MGAT4C: variants seen among roughly 807,000 people sequenced by gnomAD.
The protein encoded by MGAT4C is alpha-1,3-mannosyl-glycoprotein 4-beta-N-acetylglucosaminyltransferase C.
A neutral mutation model predicts 40.1 loss-of-function variants in MGAT4C; 19 were observed. That is an observed-to-expected ratio of 0.47 (90% confidence interval 0.33 to 0.70). The LOEUF (loss-of-function observed/expected upper bound fraction) is 0.70. MGAT4C is among the 30% of genes least tolerant of loss of function. The probability of loss-of-function intolerance (pLI) is 0.02; values close to 1 mark genes in which losing one functional copy is unlikely to be tolerated. For missense variants in MGAT4C, 491 were observed against 563.2 expected (o/e 0.87, Z 1.30); for synonymous variants, 181 against 187.1 (o/e 0.97, Z 0.27).
chr12:86,294,707 T>C (rs946571019), intron 4 of MGAT4C, among the ~76,000 whole-genome samples: 1 of 152,200 alleles, frequency 6.6e-6, no homozygotes, highest in African/African-American at 2.4e-5. Flanking sequence ...TACTTTTAGT[T>C]TCCCAGTTGT....
chr12:86,312,672 T>A (rs1954108832), intron 4 of MGAT4C, among the ~76,000 whole-genome samples: 1 of 151,976 alleles, frequency 6.6e-6, no homozygotes, highest in African/African-American at 2.4e-5. Context: ...TATATATATA[T>A]AATGTAAATA....
Position 85,957,507 on chromosome 12 carries a change from A to G in MGAT4C, c.*21782T>C, listed in dbSNP as rs1193998018. 6.6e-6 allele frequency: 1 copy of G among 152,164 alleles called. No individual in the cohort carries two copies. The highest frequency in any genetic ancestry group is 2.4e-5 in the African/African-American group (1 of 41,450). 9.4% of individuals were successfully genotyped at this position (152,164 alleles called of 1,614,324 possible). A position where few individuals can be genotyped will look rare whatever the true frequency, so the allele number is the denominator to read the frequency against. ...TGAGCAACAGACTTTGAGAGTTATT[A>G]TTAAGCATGCTACATATATCTGTTA... On this transcript the variant is annotated 3_prime_UTR_variant, in exon 5 of 5. Coordinates refer to ENST00000611864, the MANE Select transcript of MGAT4C (RefSeq NM_001351288.2).
chr12:86,552,540 C>T (rs942581267), intron 2 of MGAT4C, among the ~76,000 whole-genome samples: 3 of 151,818 alleles, frequency 2.0e-5, no homozygotes, highest in African/African-American at 7.3e-5. Context: ...TTTCTGAACA[C>T]AAAGAAATAA....
At chr12:86,175,155 A>G (rs1371190486) in intron 1 of MGAT4C, among the ~76,000 whole-genome samples, 1 of 152,166 alleles carries the variant, frequency 6.6e-6, no homozygotes, top group African/African-American at 2.4e-5. Flanking sequence ...AAATCAAAGA[A>G]TGTATAGAAA....
At chr12:86,578,393 G>A (rs930169542) in intron 2 of MGAT4C, among the ~76,000 whole-genome samples, 1 of 151,824 alleles carries the variant, frequency 6.6e-6, no homozygotes, top group East Asian at 1.9e-4. Flanking sequence ...CTCATAGAAT[G>A]AATTTGGAAG....
chr12:86,693,363 C>T (rs1950203077), intron 2 of MGAT4C, among the ~76,000 whole-genome samples: 1 of 152,114 alleles, frequency 6.6e-6, no homozygotes, highest in Non-Finnish European at 1.5e-5. Context: ...TTTACAAAAA[C>T]TAGTGTTCCA....
intron 2 of MGAT4C, among the ~76,000 whole-genome samples, chr12:86,722,960 C>A (rs932939597): frequency 2.0e-5 from 3 of 152,082 alleles, no homozygotes; most frequent in Admixed American, 6.6e-5. Context: ...TGGTGTTAAA[C>A]CCAGGTGTCG....
intron 2 of MGAT4C, among the ~76,000 whole-genome samples, chr12:85,994,077 T>A (rs1208552112): frequency 6.6e-6 from 1 of 152,182 alleles, no homozygotes; most frequent in African/African-American, 2.4e-5. Flanking sequence ...CAGGCCAGCC[T>A]CCCTGCTGCA....
chr12:86,813,782 A>G (rs1952525324), intron 1 of MGAT4C, among the ~76,000 whole-genome samples: 1 of 152,114 alleles, frequency 6.6e-6, no homozygotes, highest in Non-Finnish European at 1.5e-5. Context: ...AGATTTTCCA[A>G]TTTTACAAAT....
chr12:86,056,895 G>T (rs147021739), intron 1 of MGAT4C, among the ~76,000 whole-genome samples: 1 of 152,094 alleles, frequency 6.6e-6, no homozygotes, highest in East Asian at 1.9e-4. Flanking sequence ...AGCATCTGTT[G>T]TTTCCTAACT....
intron 1 of MGAT4C, among the ~76,000 whole-genome samples, chr12:86,165,220 A>G (rs1886056974): frequency 6.6e-6 from 1 of 152,156 alleles, no homozygotes; most frequent in African/African-American, 2.4e-5. Context: ...TAAGACAACT[A>G]AATACATATA....
chr12:86,708,901 G>C (rs570646959), intron 2 of MGAT4C, among the ~76,000 whole-genome samples: 1 of 152,318 alleles, frequency 6.6e-6, no homozygotes, highest in East Asian at 1.9e-4. Context: ...CTCATAGGCA[G>C]AAGGGACTTG....
intron 3 of MGAT4C, among the ~76,000 whole-genome samples, chr12:86,391,195 T>C (rs570778146): frequency 9.2e-5 from 14 of 152,186 alleles, no homozygotes; most frequent in Non-Finnish European, 1.8e-4. Flanking sequence ...TTAAAGAGTG[T>C]GAAATAACTA....
At chr12:86,212,748 C>G (rs1415425203) in intron 1 of MGAT4C, among the ~76,000 whole-genome samples, 2 of 136,014 alleles carry the variant, frequency 1.5e-5, no homozygotes, top group Non-Finnish European at 3.2e-5. Context: ...AAAAATTAGC[C>G]GGGCGTAGTG....
chr12:86,439,748 A>G (rs1444179592), intron 2 of MGAT4C, among the ~76,000 whole-genome samples: 2 of 152,052 alleles, frequency 1.3e-5, no homozygotes, highest in East Asian at 1.9e-4. Flanking sequence ...TTAGCCAAGA[A>G]GAGAGAAGGT....
chr12:86,485,902 G>A (rs1413789891), intron 2 of MGAT4C, among the ~76,000 whole-genome samples: 1 of 152,124 alleles, frequency 6.6e-6, no homozygotes, highest in Non-Finnish European at 1.5e-5. Flanking sequence ...TTACAAGCCA[G>A]AAGACATCGG....
At chr12:86,066,730 A>C (rs77354740) in intron 1 of MGAT4C, among the ~76,000 whole-genome samples, 2,254 of 152,296 alleles carry the variant, frequency 0.015, 70 homozygotes, top group African/African-American at 0.051. Flanking sequence ...TAAACGAAAG[A>C]GTTTCTGCAC....
chr12:86,008,884 G>T (rs1452777626), intron 2 of MGAT4C, among the ~76,000 whole-genome samples: 1 of 151,754 alleles, frequency 6.6e-6, no homozygotes, highest in African/African-American at 2.4e-5. Context: ...CTCCTTTATT[G>T]TGCTATACGA....
At chr12:86,028,874 C>T (rs1890483002) in intron 2 of MGAT4C, among the ~76,000 whole-genome samples, 1 of 151,896 alleles carries the variant, frequency 6.6e-6, no homozygotes, top group African/African-American at 2.4e-5. Context: ...TATCTCATTA[C>T]ATATTCCAAT....
Sources: allele counts gnomAD v4.1 joint callset (sites outside exome capture counted in the v4.1 genomes callset), GRCh38; gene constraint gnomAD v4.1.1; transcripts MANE v1.5; gene names NCBI Gene and HGNC (gene_info 2026-07-23, HGNC 2026-07-21).